The following GPC6 variants were observed in gnomAD, a reference collection of about 807,000 sequenced individuals.
GPC6 encodes glypican 6, also known as glypican-6.
Under a neutral mutation model 55.2 loss-of-function variants are expected in GPC6, and 14 were observed. The observed-to-expected ratio is 0.25, with a 90% CI of 0.17 to 0.40. GPC6 has a LOEUF of 0.40. GPC6 is among the 10% of genes least tolerant of loss of function. GPC6 has a pLI of 1.00. For missense variants in GPC6, 641 were observed against 708.5 expected (o/e 0.90, Z 1.08); for synonymous variants, 278 against 259.6 (o/e 1.07, Z -0.68).
At chr13:94,137,759 G>A (rs1887237783) in intron 4 of GPC6, among the ~76,000 whole-genome samples, 1 of 152,184 alleles carries the variant, frequency 6.6e-6, no homozygotes, top group South Asian at 2.1e-4. Flanking sequence ...AAATGAGCAA[G>A]GCAAAATGAC....
chr13:93,819,394 A>G (rs1429827025), intron 2 of GPC6, among the ~76,000 whole-genome samples: 1 of 152,188 alleles, frequency 6.6e-6, no homozygotes, highest in Non-Finnish European at 1.5e-5. Flanking sequence ...TGTTAATACT[A>G]CCATCATGAT....
chr13:93,302,016 A>G (rs920558052), intron 1 of GPC6, among the ~76,000 whole-genome samples: 7 of 152,222 alleles, frequency 4.6e-5, no homozygotes, highest in African/African-American at 1.7e-4. Context: ...CAATAATAAA[A>G]TATAATTTAT....
intron 4 of GPC6, among the ~76,000 whole-genome samples, chr13:94,076,377 T>G (rs1342639573): frequency 6.6e-6 from 1 of 151,912 alleles, no homozygotes; most frequent in Admixed American, 6.6e-5. Flanking sequence ...TATCTATCTA[T>G]CTTACTATCT....
In GPC6 at chr13:93,746,139, T is replaced by C. The variant is rs1594421472; in HGVS notation, c.320-84015T>C. On this transcript the variant is annotated intron_variant, in intron 2 of 8. Transcript: ENST00000377047. The stretch of plus-strand genomic sequence containing the variant: ...AAGCTGTTTTGATATACTACAAAAG[T>C]GTACCAATGATCTTATGCACATGCA... Among the ~76,000 whole-genome samples the C allele has an allele frequency of 2.0e-5, 3 of 152,316 alleles. No individual in the cohort carries two copies. In the South Asian group the frequency reaches 6.2e-4, roughly 32 times the overall value.
intron 4 of GPC6, among the ~76,000 whole-genome samples, chr13:94,135,732 T>C (rs1887162474): frequency 6.6e-6 from 1 of 152,204 alleles, no homozygotes; most frequent in Non-Finnish European, 1.5e-5. Context: ...TTAGCAAGAA[T>C]CAATAAATTA....
At chr13:93,417,936 AT>A (rs921254916) in intron 1 of GPC6, among the ~76,000 whole-genome samples, 8 of 152,076 alleles carry the variant, frequency 5.3e-5, no homozygotes, top group African/African-American at 1.9e-4. Flanking sequence ...TTTGTCAACG[AT>A]TCACTTCTAC....
At chr13:94,164,345 A>C (rs1888275064) in intron 4 of GPC6, among the ~76,000 whole-genome samples, 2 of 152,166 alleles carry the variant, frequency 1.3e-5, no homozygotes, top group Non-Finnish European at 2.9e-5. Context: ...CCAGCGAGGT[A>C]GATCTCATTA....
intron 2 of GPC6, among the ~76,000 whole-genome samples, chr13:93,706,649 G>A (rs936888053): frequency 4.6e-5 from 7 of 151,836 alleles, no homozygotes; most frequent in African/African-American, 1.7e-4. Context: ...TAGGCTTCTG[G>A]AGGAATAATT....
At position 93,818,198 on chromosome 13, in the gene GPC6, T is replaced by A. The variant is rs1404547003; in HGVS notation, c.320-11956T>A. ...ATATACAAAAATATTACTTTTCAATTTCTTTTTTTAAACTCTCATAATGTT... is the reference window on the plus strand; with the variant it reads ...ATATACAAAAATATTACTTTTCAATATCTTTTTTTAAACTCTCATAATGTT... On this transcript the variant is annotated intron_variant, in intron 2 of 8. Transcript: ENST00000377047. 2.6e-5 allele frequency among the ~76,000 whole-genome samples: 4 copies of A among 151,132 alleles called. No individual in the cohort carries two copies. In the East Asian group the frequency reaches 7.8e-4, roughly 29 times the overall value.
intron 1 of GPC6, among the ~76,000 whole-genome samples, chr13:93,358,125 T>C (rs1003013401): frequency 4.6e-5 from 7 of 152,094 alleles, no homozygotes; most frequent in Admixed American, 4.6e-4. Flanking sequence ...GGCGGGAAGA[T>C]CACTTCCATT....
At position 93,463,535 on chromosome 13, in the gene GPC6, T is replaced by C. The variant is rs960555210; in HGVS notation, c.161-81728T>C. On this transcript the variant is annotated intron_variant, in intron 1 of 8. Transcript: ENST00000377047. ...CCAGGTCTCTGCCATGTTTGAGAGC[T>C]GTGGTTTGTTTTTTGACAGGAAACC... Among the ~76,000 whole-genome samples the C allele has an allele frequency of 1.3e-5, 2 of 152,178 alleles. 1 individual carries two copies. Among genetic ancestry groups the C allele is most frequent in the South Asian group, 4.1e-4 (2 of 4,834 alleles).
chr13:93,804,739 G>A (rs1886490770), intron 2 of GPC6, among the ~76,000 whole-genome samples: 1 of 152,116 alleles, frequency 6.6e-6, no homozygotes, highest in African/African-American at 2.4e-5. Flanking sequence ...AGGAACCATA[G>A]ATTCTCTCTT....
At chr13:93,801,648 A>T (rs1886373983) in intron 2 of GPC6, among the ~76,000 whole-genome samples, 1 of 152,188 alleles carries the variant, frequency 6.6e-6, no homozygotes, top group African/African-American at 2.4e-5. Flanking sequence ...CAAGCCAAAA[A>T]GAGAGAAAAA....
At chr13:93,823,439 A>G (rs896108068) in intron 2 of GPC6, among the ~76,000 whole-genome samples, 1 of 151,986 alleles carries the variant, frequency 6.6e-6, no homozygotes, top group Non-Finnish European at 1.5e-5. Flanking sequence ...TTTGAGCCTC[A>G]GCTTTCCTAT....
At chr13:93,590,281 C>A (rs1877400433) in intron 2 of GPC6, among the ~76,000 whole-genome samples, 1 of 152,152 alleles carries the variant, frequency 6.6e-6, no homozygotes, top group Non-Finnish European at 1.5e-5. Context: ...TAGTAGGGAA[C>A]TATTAGCTAA....
At chr13:94,348,158 C>G (rs1300534534) in intron 6 of GPC6, among the ~76,000 whole-genome samples, 1 of 152,198 alleles carries the variant, frequency 6.6e-6, no homozygotes, top group Non-Finnish European at 1.5e-5. Context: ...TTAGGATTCT[C>G]CTACACTTCT....
chr13:94,381,174 T>A (rs1880138802), intron 6 of GPC6, among the ~76,000 whole-genome samples: 1 of 152,200 alleles, frequency 6.6e-6, no homozygotes, highest in South Asian at 2.1e-4. Flanking sequence ...ACTAGGTACT[T>A]TGAGATTCTG....
At chr13:93,298,285 C>T (rs1039472321) in intron 1 of GPC6, among the ~76,000 whole-genome samples, 1 of 152,176 alleles carries the variant, frequency 6.6e-6, no homozygotes, top group Non-Finnish European at 1.5e-5. Context: ...GTGATAAACT[C>T]TAATCAGAGC....
At chr13:94,220,965 T>A (rs1890365563) in intron 4 of GPC6, among the ~76,000 whole-genome samples, 1 of 152,096 alleles carries the variant, frequency 6.6e-6, no homozygotes, top group African/African-American at 2.4e-5. Flanking sequence ...ATTCAAGCCA[T>A]AACAGACTCT....
Sources: gnomAD v4.1 joint callset for allele counts (sites outside exome capture counted in the v4.1 genomes callset) on GRCh38, gnomAD v4.1.1 for gene constraint, MANE v1.5 for transcripts, NCBI Gene and HGNC (gene_info 2026-07-23, HGNC 2026-07-21) for gene names.